The following SFTA2 variants were observed in gnomAD, a reference collection of about 807,000 sequenced individuals.
SFTA2 encodes the protein surfactant associated 2.
SFTA2 carries 3 observed loss-of-function variants against 6.0 expected under a neutral mutation model. That is an observed-to-expected ratio of 0.50 (90% CI 0.23 to 1.28). The LOEUF (loss-of-function observed/expected upper bound fraction) is 1.28, where lower values mean the gene tolerates loss of function less well. Ranked by LOEUF, SFTA2 falls within the 50% of genes most tolerant of loss-of-function variation. The pLI, the probability that SFTA2 is intolerant of heterozygous loss-of-function variation, is 0.19. For synonymous variants in SFTA2, 40 were observed against 39.3 expected, an observed-to-expected ratio of 1.02 and a Z score of -0.07; for missense variants, 87 against 88.5, an observed-to-expected ratio of 0.98 and a Z score of 0.07.
rs3095152 is a variant in SFTA2 at position 30,931,873 on chromosome 6, G to T, written c.62-78C>A. On this transcript the variant is annotated intron_variant, in intron 1 of 2. Transcript: ENST00000359086. ...GGAGACACAGAACCTTCCTGCTCAC[G>T]CTCCCCGGCACAGTTCCTCTTCCCC... The T allele has an allele frequency of 3.2e-6, 5 of 1,560,614 alleles. No homozygotes were observed. The African/African-American group carries it at 6.8e-5, about 21-fold the overall frequency.
intron 1 of SFTA2, 60 bp from the exon 2 acceptor site, chr6:30,931,855 C>G (rs1410360498): frequency 6.3e-7 from 1 of 1,587,568 alleles, no homozygotes; most frequent in African/African-American, 1.3e-5. Flanking sequence ...TCCGGAGACA[C>G]AGAACCTTCC....
intron 2 of SFTA2, 66 bp downstream of exon 2, chr6:30,931,641 A>G (rs1043363646): frequency 3.1e-6 from 5 of 1,609,558 alleles, no homozygotes; most frequent in Non-Finnish European, 4.2e-6. Context: ...AGACATCCAG[A>G]CCCCAGCAGA....
rs780017663 is a variant in SFTA2 at position 30,932,139 on chromosome 6, C to T, written c.-43G>A. ...TGGGATGGAGGAGACACTGAAGTCCCGGTGGCCTCTCCTTAACAGGCCTGT... is the reference window on the plus strand; with the variant it reads ...TGGGATGGAGGAGACACTGAAGTCCTGGTGGCCTCTCCTTAACAGGCCTGT... On this transcript the variant is annotated 5_prime_UTR_variant, in exon 1 of 3. Transcript: ENST00000359086. This position sits in a 1 kb window ranked among gnomAD's most constrained non-coding sequence, Gnocchi z 6.5. The T allele has an allele frequency of 2.4e-5, 39 of 1,596,952 alleles. No individual in the cohort carries two copies. The highest frequency in any genetic ancestry group is 1.7e-4 in the Middle Eastern group (1 of 6,036).
chr6:30,932,112 C>T lies in SFTA2; in HGVS notation c.-16G>A. The T allele has an allele frequency of 6.2e-7, 1 of 1,611,064 alleles. No individual in the cohort carries two copies. Among genetic ancestry groups the T allele is most frequent in the East Asian group, 2.2e-5 (1 of 44,832 alleles). On this transcript the variant is annotated 5_prime_UTR_variant, in exon 1 of 3. Coordinates refer to ENST00000359086, the MANE Select transcript of SFTA2 (RefSeq NM_205854.3). The surrounding 1 kb of genome is among the most constrained non-coding windows in gnomAD (Gnocchi z 6.5). ...CAGACCCCATAGTGGCCACTGCGCT[C>T]CTGGGATGGAGGAGACACTGAAGTC...
chr6:30,931,398 G>T lies in SFTA2; in HGVS notation c.*90C>A, dbSNP rs1271055075. ...TTTATTTATTGCCGCTCAGGAGGGT[G>T]GGGGCCTGCTGAAAGACAGGGTCGG... is the stretch of plus-strand genomic sequence containing the variant. On this transcript the variant is annotated 3_prime_UTR_variant, in exon 3 of 3. Coordinates refer to ENST00000359086, the MANE Select transcript of SFTA2 (RefSeq NM_205854.3). 1.6e-6 allele frequency: 2 copies of T among 1,254,240 alleles called. No individual in the cohort carries two copies. The highest frequency in any genetic ancestry group is 1.5e-5 in the African/African-American group (1 of 66,558). The allele number at this position is 1,254,240 out of a possible 1,614,324, so 77.7% of individuals were successfully genotyped here. A position where few individuals can be genotyped will look rare whatever the true frequency, so the allele number is the denominator to read the frequency against.
Position 30,931,723 on chromosome 6 carries a change from A to G in SFTA2, c.134T>C (p.Leu45Pro). 1.2e-6 allele frequency: 2 copies of G among 1,613,180 alleles called. No individual in the cohort carries two copies. Among genetic ancestry groups the G allele is most frequent in the Non-Finnish European group, 1.7e-6 (2 of 1,180,018 alleles). ...AAGAACTACCTTTTCAAGCAATTCC[A>G]GGAAGCTGGACTCATAGGAGGAATT... ...LTNSSYESSF[L>P]ELLEKLCLLL... Residue 45 changes from leucine to proline, a missense_variant, in exon 2 of 3, where the codon CTG becomes CCG. Coordinates refer to ENST00000359086, the MANE Select transcript of SFTA2 (RefSeq NM_205854.3).
In SFTA2 at chr6:30,931,711, T is replaced by G; in HGVS notation, c.146A>C (p.Glu49Ala). Reference protein sequence around the residue: ...SYESSFLELLEKLCLLLHLPS... With the variant: ...SYESSFLELLAKLCLLLHLPS... ...TTTCCCCTTCCAAAGAACTACCTTTTCAAGCAATTCCAGGAAGCTGGACTC... is the reference window on the plus strand; with the variant it reads ...TTTCCCCTTCCAAAGAACTACCTTTGCAAGCAATTCCAGGAAGCTGGACTC... Residue 49 changes from glutamate (E) to alanine (A), a missense_variant, in exon 2 of 3, where the codon GAA becomes GCA. Glu to Ala is a moderately radical substitution (Grantham distance 107). Transcript: ENST00000359086. 1 of 1,613,116 alleles carries G rather than the reference T, an allele frequency of 6.2e-7. No individual in the cohort carries two copies. Among genetic ancestry groups the G allele is most frequent in the Non-Finnish European group, 8.5e-7 (1 of 1,180,018 alleles).
At position 30,931,906 on chromosome 6, in the gene SFTA2, C is replaced by A. The variant is rs1795158478; in HGVS notation, c.62-111G>T. ...GCACAGTTCCTCTTCCCCAGCAATGCCCCTCCAGAGCCTCTTGGAAGCTCA... is the reference window on the plus strand; with the variant it reads ...GCACAGTTCCTCTTCCCCAGCAATGACCCTCCAGAGCCTCTTGGAAGCTCA... On this transcript the variant is annotated intron_variant, in intron 1 of 2. Coordinates refer to ENST00000359086, the MANE Select transcript of SFTA2 (RefSeq NM_205854.3). 4 of 1,532,644 alleles carry A rather than the reference C, an allele frequency of 2.6e-6. No homozygotes were observed. The African/African-American group carries it at 4.1e-5, about 16-fold the overall frequency. The allele number at this position is 1,532,644 out of a possible 1,614,324, so 94.9% of individuals were successfully genotyped here.
At chr6:30,931,640 G>A (rs1795144993) in intron 2 of SFTA2, 66 bp from the exon 3 acceptor site, 2 of 1,609,414 alleles carry the variant, frequency 1.2e-6, no homozygotes, top group South Asian at 1.1e-5. Flanking sequence ...GAGACATCCA[G>A]ACCCCAGCAG....
intron 1 of SFTA2, 84 bp from the exon 2 acceptor site, chr6:30,931,879 C>T (rs187149239): frequency 1.4e-5 from 21 of 1,554,780 alleles, no homozygotes; most frequent in East Asian, 2.3e-5. Context: ...TCACGCTCCC[C>T]GGCACAGTTC....
chr6:30,931,566 G>A lies in SFTA2; in HGVS notation c.159C>T (p.Leu53=), dbSNP rs1429454119. Residue 53 remains leucine (L), a synonymous_variant, in exon 3 of 3, where the codon CTC becomes CTT. Coordinates refer to ENST00000359086, the MANE Select transcript of SFTA2 (RefSeq NM_205854.3). The part of the protein sequence containing the change: ...SFLELLEKLC[L]LLHLPSGTSV... Reference sequence around the variant, plus strand: ...TGGTCCCTGAAGGGAGATGGAGGAGGAGGCAGAGCTGGGAACAAAGGGTTA... The same window carrying A: ...TGGTCCCTGAAGGGAGATGGAGGAGAAGGCAGAGCTGGGAACAAAGGGTTA... The A allele has an allele frequency of 1.3e-5, 21 of 1,609,938 alleles. No homozygotes were observed. The highest frequency in any genetic ancestry group is 1.8e-5 in the Non-Finnish European group (21 of 1,178,282).
chr6:30,931,618 A>G (rs1795144006), intron 2 of SFTA2, 44 bp from the exon 3 acceptor site: 1 of 1,606,494 alleles, frequency 6.2e-7, no homozygotes, highest in Admixed American at 1.7e-5. Flanking sequence ...AGAGCTCTCC[A>G]TTCCCACCAC....
At position 30,931,828 on chromosome 6, in the gene SFTA2, C is replaced by G. The variant is rs550089168; in HGVS notation, c.62-33G>C. The G allele has an allele frequency of 1.1e-5, 18 of 1,609,204 alleles. No homozygotes were observed. In the South Asian group the frequency reaches 1.9e-4, roughly 17 times the overall value. On this transcript the variant is annotated intron_variant, in intron 1 of 2. Transcript: ENST00000359086. ...TCCAGAAGTACAGCTTAGGACCCAG[C>G]AGTCAGGGCTGATTCCTCCGGAGAC... is the stretch of plus-strand genomic sequence containing the variant.
At position 30,931,508 on chromosome 6, in the gene SFTA2, G is replaced by T. The variant is rs760294409; in HGVS notation, c.217C>A (p.His73Asn). Residue 73 changes from histidine to asparagine, a missense_variant, in exon 3 of 3, where the codon CAT becomes AAT. Coordinates refer to ENST00000359086, the MANE Select transcript of SFTA2 (RefSeq NM_205854.3). ...GGCTGTCATGTGTTGCAGACAACAT[G>T]GTGTTGAGATCTTGCATGGTGGAGG... ...VTLHHARSQHHVVCNT is the reference protein window; with the variant it reads ...VTLHHARSQHNVVCNT The T allele has an allele frequency of 6.2e-7, 1 of 1,600,318 alleles. No homozygotes were observed. Among genetic ancestry groups the T allele is most frequent in the African/African-American group, 1.3e-5 (1 of 74,484 alleles).
In SFTA2 at chr6:30,931,774, A is replaced by G; in HGVS notation, c.83T>C (p.Leu28Pro). The change falls in exon 2 of 3, where the codon CTG (leucine) becomes CCG (proline). Residue 28 changes from leucine (L) to proline (P), a missense_variant. Leu to Pro is a moderately conservative substitution (Grantham distance 98). Transcript: ENST00000359086. ...TGTCAGAAAAGACTCCTTCAGCTTC[A>G]GTTGCAAAGTCATACCCGGCCCTGC... ...HGTGPGMTLQ[L>P]KLKESFLTNS... 1 of 1,613,122 alleles carries G rather than the reference A, an allele frequency of 6.2e-7. No homozygotes were observed. The highest frequency in any genetic ancestry group is 1.1e-5 in the South Asian group (1 of 91,086).
Position 30,931,774 on chromosome 6 carries a change from A to T in SFTA2, c.83T>A (p.Leu28Gln). 1.2e-6 allele frequency: 2 copies of T among 1,613,122 alleles called. No homozygotes were observed. The highest frequency in any genetic ancestry group is 1.7e-6 in the Non-Finnish European group (2 of 1,180,038). Reference sequence around the variant, plus strand: ...TGTCAGAAAAGACTCCTTCAGCTTCAGTTGCAAAGTCATACCCGGCCCTGC... The same window carrying T: ...TGTCAGAAAAGACTCCTTCAGCTTCTGTTGCAAAGTCATACCCGGCCCTGC... ...HGTGPGMTLQ[L>Q]KLKESFLTNS... Residue 28 changes from leucine to glutamine, a missense_variant, in exon 2 of 3, where the codon CTG (leucine) becomes CAG (glutamine). By Grantham distance (113) the Leu-to-Gln change is moderately radical. Transcript: ENST00000359086.
rs761121005 is a variant in SFTA2 at position 30,932,087 on chromosome 6, C to T, written c.10G>A (p.Gly4Arg). Residue 4 changes from glycine to arginine, a missense_variant, in exon 1 of 3, where the codon GGG (glycine) becomes AGG (arginine). Physicochemically the swap from Gly to Arg is moderately radical, Grantham distance 125 (BLOSUM62 -2). Coordinates refer to ENST00000359086, the MANE Select transcript of SFTA2 (RefSeq NM_205854.3). This position sits in a 1 kb window ranked among gnomAD's most constrained non-coding sequence, Gnocchi z 6.5. ...GTCAAGAGGAGGACAAGGGGCAGCCCAGACCCCATAGTGGCCACTGCGCTC... is the reference window on the plus strand; with the variant it reads ...GTCAAGAGGAGGACAAGGGGCAGCCTAGACCCCATAGTGGCCACTGCGCTC... MGS[G>R]LPLVLLLTLL... The T allele has an allele frequency of 6.2e-7, 1 of 1,612,638 alleles. No homozygotes were observed. Among genetic ancestry groups the T allele is most frequent in the African/African-American group, 1.3e-5 (1 of 75,036 alleles).
Position 30,931,493 on chromosome 6 carries a change from T to C in SFTA2, c.232A>G (p.Thr78Ala). The C allele has an allele frequency of 6.3e-7, 1 of 1,579,768 alleles. No individual in the cohort carries two copies. The highest frequency in any genetic ancestry group is 8.6e-7 in the Non-Finnish European group (1 of 1,161,014). ...ARSQHHVVCNT is the reference protein window; with the variant it reads ...ARSQHHVVCNA ...GACACAGGCTTCAATGGCTGTCATG[T>C]GTTGCAGACAACATGGTGTTGAGAT... The change falls in exon 3 of 3, where the codon ACA becomes GCA. Residue 78 changes from threonine to alanine, a missense_variant. By Grantham distance (58) the Thr-to-Ala change is moderately conservative (BLOSUM62 0). Transcript: ENST00000359086.
At chr6:30,931,916 G>T in intron 1 of SFTA2, 120 bp downstream of exon 1, 1 of 1,535,680 alleles carries the variant, frequency 6.5e-7, no homozygotes, top group Non-Finnish European at 8.9e-7. Flanking sequence ...CCCCTCCAGA[G>T]CCTCTTGGAA....
Sources: allele counts gnomAD v4.1 joint callset, GRCh38; gene constraint gnomAD v4.1.1; non-coding constraint Gnocchi (gnomAD v3.1); transcripts MANE v1.5; gene names NCBI Gene and HGNC (gene_info 2026-07-23, HGNC 2026-07-21).